Variants in CDYL observed in about 807,000 individuals in gnomAD.
CDYL encodes chromodomain Y like.
A neutral mutation model predicts 47.3 loss-of-function variants in CDYL; 8 were observed. The observed-to-expected ratio is 0.17, with a 90% confidence interval of 0.10 to 0.31. CDYL has a LOEUF of 0.31. Among genes scored for constraint, CDYL ranks in the 10% least tolerant of loss-of-function variants. The probability of loss-of-function intolerance (pLI) is 1.00; values close to 1 mark genes in which losing one functional copy is unlikely to be tolerated. For missense variants in CDYL, 471 were observed against 701.4 expected, an observed-to-expected ratio of 0.67 and a Z score of 3.71; for synonymous variants, 266 against 265.0, an observed-to-expected ratio of 1.00 and a Z score of -0.04.
At chr6:4,727,394 A>G (rs9392064) in intron 2 of CDYL, among the ~76,000 whole-genome samples, 21,758 of 152,118 alleles carry the variant, frequency 0.14, 2,084 homozygotes, top group African/African-American at 0.28. Context: ...TTCTGTCCAT[A>G]CATAGGGTGG....
At chr6:4,751,908 G>A (rs982585421) in intron 3 of CDYL, among the ~76,000 whole-genome samples, 1 of 152,176 alleles carries the variant, frequency 6.6e-6, no homozygotes, top group South Asian at 2.1e-4. Context: ...TCTTTCCTGC[G>A]ACTGTTTTGC....
chr6:4,897,791 T>TTTTGTTTTG (rs1554105982), intron 2 of CDYL, among the ~76,000 whole-genome samples: 6,297 of 34,368 alleles, frequency 0.18, 440 homozygotes, highest in African/African-American at 0.42. Flanking sequence ...AAGGTTTTTG[T>TTTTGTTTTG]TTTTTTTTTT....
intron 1 of CDYL, chr6:4,714,087 A>G (rs1212044525): frequency 6.6e-6 from 1 of 152,160 alleles, no homozygotes; most frequent in Non-Finnish European, 1.5e-5. Context: ...TACAGATGCG[A>G]ACACAGAGGG....
intron 2 of CDYL, among the ~76,000 whole-genome samples, chr6:4,911,785 C>T (rs1016452404): frequency 4.6e-5 from 7 of 152,306 alleles, no homozygotes; most frequent in African/African-American, 1.7e-4. Flanking sequence ...TTTCACCTTC[C>T]AGTAAGTAAA....
chr6:4,940,481 T>G (rs1758331824), intron 4 of CDYL, among the ~76,000 whole-genome samples: 1 of 150,794 alleles, frequency 6.6e-6, no homozygotes, highest in East Asian at 2.0e-4. Flanking sequence ...GTAGCAAGTT[T>G]CCAAAGGAAA....
intron 1 of CDYL, among the ~76,000 whole-genome samples, chr6:4,812,969 C>G (rs1759569686): frequency 6.6e-6 from 1 of 152,096 alleles, no homozygotes; most frequent in South Asian, 2.1e-4. Context: ...GGTTGTTTTT[C>G]TAGCTATTAC....
At chr6:4,735,561 C>A (rs1226928094) in intron 3 of CDYL, among the ~76,000 whole-genome samples, 1 of 151,914 alleles carries the variant, frequency 6.6e-6, no homozygotes, top group African/African-American at 2.4e-5. Flanking sequence ...GAAAGGAGTT[C>A]GAGACCAGCC....
intron 3 of CDYL, among the ~76,000 whole-genome samples, chr6:4,745,577 A>G (rs184224060): frequency 1.2e-5 from 1 of 81,892 alleles, no homozygotes; most frequent in Admixed American, 1.6e-4. Flanking sequence ...CCCCATCTCT[A>G]TTAAAAATAA....
intron 2 of CDYL, among the ~76,000 whole-genome samples, chr6:4,729,204 T>C (rs1757562316): frequency 6.6e-6 from 1 of 152,148 alleles, no homozygotes; most frequent in Admixed American, 6.5e-5. Flanking sequence ...CTGTAGCATC[T>C]TTTTTCCACC....
intron 1 of CDYL, among the ~76,000 whole-genome samples, chr6:4,890,923 T>A (rs530780697): frequency 6.6e-6 from 1 of 152,352 alleles, no homozygotes; most frequent in African/African-American, 2.4e-5. Context: ...CTGTGTCACA[T>A]AACTCTCGTT....
chr6:4,898,831 C>A (rs1419505492), intron 2 of CDYL, among the ~76,000 whole-genome samples: 1 of 152,184 alleles, frequency 6.6e-6, no homozygotes, highest in Non-Finnish European at 1.5e-5. Flanking sequence ...AATAAATCTG[C>A]ATTATTTTCC....
At chr6:4,773,849 C>T (rs901186009), upstream of CDYL, among the ~76,000 whole-genome samples, 2 of 152,176 alleles carry the variant, frequency 1.3e-5, no homozygotes, top group Non-Finnish European at 2.9e-5. This position sits in a 1 kb window ranked among gnomAD's most constrained non-coding sequence, Gnocchi z 4.6. Flanking sequence ...TCCAGATTGT[C>T]AAGATTGAAA....
intron 1 of CDYL, among the ~76,000 whole-genome samples, chr6:4,830,490 A>T (rs1760105179): frequency 6.6e-6 from 1 of 152,196 alleles, no homozygotes; most frequent in African/African-American, 2.4e-5. Flanking sequence ...ACAACTCAGG[A>T]ATAGTTTGTG....
intron 1 of CDYL, among the ~76,000 whole-genome samples, chr6:4,859,082 A>T (rs1354738783): frequency 1.3e-5 from 2 of 152,020 alleles, no homozygotes; most frequent in Admixed American, 1.3e-4. Flanking sequence ...CTGATTTGTT[A>T]TTTCTTTAAA....
intron 4 of CDYL, among the ~76,000 whole-genome samples, 196 bp from the exon 5 acceptor site, chr6:4,943,350 A>G (rs1211805762): frequency 6.6e-6 from 1 of 152,164 alleles, no homozygotes; most frequent in Non-Finnish European, 1.5e-5. Flanking sequence ...CGTGGGCTCC[A>G]GGCTGTCACC....
intron 2 of CDYL, chr6:4,928,699 A>T (rs986011678): frequency 1.3e-5 from 2 of 150,372 alleles, no homozygotes; most frequent in African/African-American, 4.9e-5. Flanking sequence ...CTGTTCCTTA[A>T]CCTGCATAGC....
chr6:4,706,148 T>C (rs1326201000), upstream of CDYL: 3 of 152,206 alleles, frequency 2.0e-5, no homozygotes, highest in Admixed American at 2.0e-4. Flanking sequence ...AGTGACCCCT[T>C]TGTTCCTTGA....
intron 2 of CDYL, among the ~76,000 whole-genome samples, chr6:4,902,026 A>G (rs977542458): frequency 1.8e-4 from 28 of 152,144 alleles, no homozygotes; most frequent in African/African-American, 6.8e-4. Context: ...GGTGAGGTCA[A>G]CTTCATCTAA....
chr6:4,855,157 T>A (rs1760969318), intron 1 of CDYL, among the ~76,000 whole-genome samples: 1 of 152,200 alleles, frequency 6.6e-6, no homozygotes, highest in South Asian at 2.1e-4. Flanking sequence ...TTATTTAAAT[T>A]AATAGATCTG....
Sources: gnomAD v4.1 joint callset for allele counts (sites outside exome capture counted in the v4.1 genomes callset) on GRCh38, gnomAD v4.1.1 for gene constraint, Gnocchi (gnomAD v3.1) non-coding constraint, MANE v1.5 for transcripts, NCBI Gene and HGNC (gene_info 2026-07-23, HGNC 2026-07-21) for gene names.